TSHZ2: variants seen among roughly 807,000 people sequenced by gnomAD.
TSHZ2 encodes the protein teashirt homolog 2.
Under a neutral mutation model 74.4 loss-of-function variants are expected in TSHZ2, and 21 were observed. The ratio of observed to expected loss-of-function variants is 0.28; its 90% confidence interval spans 0.20 to 0.41. The LOEUF (loss-of-function observed/expected upper bound fraction) is 0.41. Among genes scored for constraint, TSHZ2 ranks in the 10% least tolerant of loss-of-function variants. The pLI is 1.00. For synonymous variants in TSHZ2, 540 were observed against 515.3 expected (o/e 1.05, Z -0.65); for missense variants, 1,244 against 1,293.5 (o/e 0.96, Z 0.59).
At chr20:53,272,798 A>G (rs1990867004) in intron 2 of TSHZ2, among the ~76,000 whole-genome samples, 1 of 152,234 alleles carries the variant, frequency 6.6e-6, no homozygotes, top group South Asian at 2.1e-4. Flanking sequence ...GCTGTGTGCC[A>G]GGCTCTGTTC....
chr20:53,241,089 C>A (rs1990058377), intron 1 of TSHZ2, among the ~76,000 whole-genome samples: 1 of 152,142 alleles, frequency 6.6e-6, no homozygotes, highest in African/African-American at 2.4e-5. Flanking sequence ...TACCCATTTT[C>A]TCTATAGGTA....
intron 2 of TSHZ2, among the ~76,000 whole-genome samples, chr20:53,354,016 G>C (rs1980752093): frequency 6.6e-6 from 1 of 152,194 alleles, no homozygotes; most frequent in African/African-American, 2.4e-5. Flanking sequence ...ACCAGGGACT[G>C]ACTGACCATA....
At chr20:53,346,362 G>A (rs535892318) in intron 2 of TSHZ2, among the ~76,000 whole-genome samples, 86 of 152,266 alleles carry the variant, frequency 5.6e-4, no homozygotes, top group African/African-American at 1.8e-3. Context: ...CAGGGTGCAC[G>A]ACAGAAAATA....
chr20:53,388,553 C>T (rs1982134132), intron 2 of TSHZ2, among the ~76,000 whole-genome samples: 1 of 152,016 alleles, frequency 6.6e-6, no homozygotes, highest in South Asian at 2.1e-4. Flanking sequence ...AACATACTCA[C>T]CTCTTTAACT....
chr20:53,154,369 CA>C (rs1166901908), intron 1 of TSHZ2, among the ~76,000 whole-genome samples: 32 of 152,038 alleles, frequency 2.1e-4, no homozygotes, highest in Admixed American at 2.0e-3. Flanking sequence ...TGTCTTTTCC[CA>C]TGAACAAAAT....
intron 1 of TSHZ2, among the ~76,000 whole-genome samples, chr20:53,246,862 C>T (rs928151876): frequency 3.3e-5 from 5 of 152,164 alleles, no homozygotes; most frequent in South Asian, 2.1e-4. Flanking sequence ...AAGCAACAAG[C>T]GTACATTAAG....
At chr20:53,483,614 G>A (rs780648258) in intron 2 of TSHZ2, among the ~76,000 whole-genome samples, 3 of 152,084 alleles carry the variant, frequency 2.0e-5, no homozygotes, top group Non-Finnish European at 4.4e-5. Context: ...CAACACTCAG[G>A]TATATTTGTG....
chr20:53,454,262 C>G (rs138081255), intron 2 of TSHZ2, among the ~76,000 whole-genome samples: 1 of 152,124 alleles, frequency 6.6e-6, no homozygotes, highest in Non-Finnish European at 1.5e-5. Context: ...ACCCGTGGAG[C>G]CCTTTAAAAT....
Position 52,991,869 on chromosome 20 carries a change from A to G in TSHZ2, c.40+18536A>G, listed in dbSNP as rs1306321316. Among the ~76,000 whole-genome samples the G allele has an allele frequency of 2.0e-5, 3 of 152,256 alleles. No homozygotes were observed. In the East Asian group the frequency reaches 5.8e-4, roughly 29 times the overall value. On this transcript the variant is annotated intron_variant, in intron 1 of 2. Transcript: ENST00000371497. ...CGTTTGTGGTGGACCTGGCATGTTCATGTGTTCTTGCCAACTATGCTGCTA... is the reference window on the plus strand; with the variant it reads ...CGTTTGTGGTGGACCTGGCATGTTCGTGTGTTCTTGCCAACTATGCTGCTA...
intron 1 of TSHZ2, among the ~76,000 whole-genome samples, chr20:53,044,178 C>T (rs1277518178): frequency 6.6e-6 from 1 of 152,204 alleles, no homozygotes; most frequent in Non-Finnish European, 1.5e-5. Flanking sequence ...CAAAGAGCAT[C>T]CCTAATTCAC....
In TSHZ2 at chr20:52,973,573, C is replaced by T. The variant is rs1346604534; in HGVS notation, c.40+240C>T. Among the ~76,000 whole-genome samples, 3 of 152,294 alleles carry T rather than the reference C, an allele frequency of 2.0e-5. No homozygotes were observed. The East Asian group carries it at 5.8e-4, about 30-fold the overall frequency. ...AGCCTTTCCTCCTTAAACTTTCTTT[C>T]CTCCACCCTCTACCCCACCCCTAAC... On this transcript the variant is annotated intron_variant, in intron 1 of 2. Coordinates refer to ENST00000371497, the MANE Select transcript of TSHZ2 (RefSeq NM_173485.6).
chr20:53,099,753 T>C (rs1446847888), intron 1 of TSHZ2, among the ~76,000 whole-genome samples: 1 of 152,188 alleles, frequency 6.6e-6, no homozygotes, highest in Non-Finnish European at 1.5e-5. Context: ...ACCTATTCAC[T>C]ACTACGACAA....
chr20:53,126,112 C>T (rs1168168099), intron 1 of TSHZ2, among the ~76,000 whole-genome samples: 1 of 152,248 alleles, frequency 6.6e-6, no homozygotes, highest in African/African-American at 2.4e-5. Context: ...TCTGTGCCTA[C>T]TACCCTGAAG....
chr20:53,085,381 A>C (rs1985667739), intron 1 of TSHZ2, among the ~76,000 whole-genome samples: 2 of 152,104 alleles, frequency 1.3e-5, no homozygotes, highest in Non-Finnish European at 2.9e-5. Flanking sequence ...AAAGAGAGAG[A>C]GAGAGAGAGA....
At chr20:53,019,509 CAG>C (rs1048729790) in intron 1 of TSHZ2, among the ~76,000 whole-genome samples, 2 of 152,052 alleles carry the variant, frequency 1.3e-5, no homozygotes, top group African/African-American at 4.8e-5. Context: ...GGAGTGGTAT[CAG>C]GGGGTTGGGG....
intron 2 of TSHZ2, among the ~76,000 whole-genome samples, chr20:53,354,049 C>T (rs754395710): frequency 1.3e-4 from 20 of 152,158 alleles, no homozygotes; most frequent in Admixed American, 5.2e-4. Context: ...AGTGTAATGC[C>T]GTCGTAGGCA....
In TSHZ2 at chr20:53,255,120, C is replaced by T. The variant is rs769348980; in HGVS notation, c.1662C>T (p.Thr554=). ...CAGCCTACCAGCTGTCTGAGGGCAC[C>T]AAGCCGCCTTTGCCTATGGGATCCC... is the stretch of plus-strand genomic sequence containing the variant. ...IHAAYQLSEG[T]KPPLPMGSQV... Residue 554 remains threonine, a synonymous_variant, in exon 2 of 3, where the codon ACC becomes ACT. Coordinates refer to ENST00000371497, the MANE Select transcript of TSHZ2 (RefSeq NM_173485.6). This position sits in a 1 kb window ranked among gnomAD's most constrained non-coding sequence, Gnocchi z 4.1. The T allele has an allele frequency of 3.1e-6, 5 of 1,614,160 alleles. No individual in the cohort carries two copies. The Admixed American group carries it at 5.0e-5, about 16-fold the overall frequency.
Position 53,254,076 on chromosome 20 carries a change from G to A in TSHZ2, c.618G>A (p.Gly206=), listed in dbSNP as rs762217008. Reference sequence around the variant, plus strand: ...ACCGACAGAGCAGCAAGATGTGCGGGACTGTGTTCACAGGGGCCAGCAGAT... The same window carrying A: ...ACCGACAGAGCAGCAAGATGTGCGGAACTGTGTTCACAGGGGCCAGCAGAT... The part of the protein sequence containing the change: ...QLYRQSSKMC[G]TVFTGASRFR... The change falls in exon 2 of 3, where the codon GGG becomes GGA. Residue 206 remains glycine (G), a synonymous_variant. Transcript: ENST00000371497. 1 of 1,614,094 alleles carries A rather than the reference G, an allele frequency of 6.2e-7. No individual in the cohort carries two copies. The highest frequency in any genetic ancestry group is 1.1e-5 in the South Asian group (1 of 91,078).
chr20:53,010,150 C>G (rs922103504), intron 1 of TSHZ2, among the ~76,000 whole-genome samples: 3 of 152,148 alleles, frequency 2.0e-5, no homozygotes, highest in Admixed American at 6.5e-5. Context: ...GGACCCATTG[C>G]CTCAGGCTGG....
Sources: gnomAD v4.1 joint callset for allele counts (sites outside exome capture counted in the v4.1 genomes callset) on GRCh38, gnomAD v4.1.1 for gene constraint, Gnocchi (gnomAD v3.1) non-coding constraint, MANE v1.5 for transcripts, NCBI Gene and HGNC (gene_info 2026-07-23, HGNC 2026-07-21) for gene names.